MAP2K4: variants seen among roughly 807,000 people sequenced by gnomAD.
The protein encoded by MAP2K4 is dual specificity mitogen-activated protein kinase kinase 4.
Under a neutral mutation model 48.5 loss-of-function variants are expected in MAP2K4, and 4 were observed. That is an observed-to-expected ratio of 0.08 (90% CI 0.04 to 0.19). The LOEUF is 0.19. Ranked by LOEUF, MAP2K4 falls within the 10% of genes least tolerant of loss-of-function variation. The pLI is 1.00. For synonymous variants in MAP2K4, 166 were observed against 173.1 expected, an observed-to-expected ratio of 0.96 and a Z score of 0.32; for missense variants, 258 against 493.3, an observed-to-expected ratio of 0.52 and a Z score of 4.52.
In MAP2K4 at chr17:12,042,751, TAAG is replaced by T. The variant is rs1969830578; in HGVS notation, c.116-12133_116-12131del. Among the ~76,000 whole-genome samples, 5 of 152,264 alleles carry T rather than the reference TAAG, an allele frequency of 3.3e-5. No individual in the cohort carries two copies. In the South Asian group the frequency reaches 8.3e-4, roughly 25 times the overall value. Reference sequence around the variant, plus strand: ...ATGTGGACGTACACACTCTTTGCTTTAAGAAGATGTTCTTGGCCAGGCGCAGTG... The same window carrying T: ...ATGTGGACGTACACACTCTTTGCTTTAAGATGTTCTTGGCCAGGCGCAGTG... On this transcript the variant is annotated intron_variant, in intron 1 of 10. Transcript: ENST00000353533.
At chr17:12,079,464 T>G (rs1431145006) in intron 2 of MAP2K4, among the ~76,000 whole-genome samples, 1 of 152,160 alleles carries the variant, frequency 6.6e-6, no homozygotes, top group East Asian at 1.9e-4. Context: ...CATATTCTCT[T>G]GGTTAGAGGT....
intron 1 of MAP2K4, chr17:12,021,252 T>A (rs1264670143): frequency 1.1e-5 from 3 of 279,506 alleles, no homozygotes; most frequent in Non-Finnish European, 2.0e-5. Flanking sequence ...TACCGGGCTC[T>A]CAGCAGGCCC....
chr17:12,053,021 A>G (rs1017467128), intron 1 of MAP2K4, among the ~76,000 whole-genome samples: 1 of 152,128 alleles, frequency 6.6e-6, no homozygotes, highest in Non-Finnish European at 1.5e-5. Flanking sequence ...AAAAATCCCA[A>G]ATCCCATTAT....
intron 1 of MAP2K4, among the ~76,000 whole-genome samples, chr17:12,026,635 C>A (rs888502988): frequency 1.3e-5 from 2 of 152,208 alleles, no homozygotes; most frequent in African/African-American, 4.8e-5. Flanking sequence ...GCCTTTGCTC[C>A]TCTTACTACT....
chr17:12,071,786 T>C (rs995093969), intron 2 of MAP2K4, among the ~76,000 whole-genome samples: 1 of 152,082 alleles, frequency 6.6e-6, no homozygotes, highest in Non-Finnish European at 1.5e-5. Context: ...TATAGACCAG[T>C]GAACCTGAGA....
chr17:12,032,325 G>C, intron 1 of MAP2K4: 2 of 1,254,646 alleles, frequency 1.6e-6, no homozygotes, highest in Admixed American at 3.0e-5. Flanking sequence ...ATGATATTAT[G>C]CTATTTATTT....
chr17:12,099,282 A>G (rs1971859061), intron 4 of MAP2K4, among the ~76,000 whole-genome samples: 1 of 151,434 alleles, frequency 6.6e-6, no homozygotes, highest in African/African-American at 2.4e-5. Flanking sequence ...TATATGTCAC[A>G]TTTTTAAAAA....
chr17:12,135,571 A>G (rs1277263823), intron 9 of MAP2K4, among the ~76,000 whole-genome samples: 1 of 151,206 alleles, frequency 6.6e-6, no homozygotes. Flanking sequence ...TTTATTTAGG[A>G]CAGAGTCTGG....
At chr17:12,032,655 A>C (rs995095320) in intron 1 of MAP2K4, among the ~76,000 whole-genome samples, 3 of 152,216 alleles carry the variant, frequency 2.0e-5, no homozygotes, top group African/African-American at 7.2e-5. Context: ...ATAGAGTTAT[A>C]TTCAGACATC....
chr17:12,030,089 A>G (rs999100785), intron 1 of MAP2K4, among the ~76,000 whole-genome samples: 3 of 152,014 alleles, frequency 2.0e-5, no homozygotes, highest in Admixed American at 6.6e-5. Context: ...CCCTTTGCCC[A>G]TCCTTACCCT....
chr17:12,130,153 T>C (rs547993971), intron 9 of MAP2K4, among the ~76,000 whole-genome samples: 13 of 152,204 alleles, frequency 8.5e-5, no homozygotes, highest in Non-Finnish European at 1.6e-4. Context: ...TTAGGTCTTA[T>C]AGACTTAAAT....
chr17:12,029,855 C>A (rs1361198811), intron 1 of MAP2K4, among the ~76,000 whole-genome samples: 1 of 151,558 alleles, frequency 6.6e-6, no homozygotes, highest in Non-Finnish European at 1.5e-5. Context: ...GAGTTTGAGG[C>A]TGCAGTGAGC....
intron 3 of MAP2K4, among the ~76,000 whole-genome samples, chr17:12,090,349 C>T (rs553658786): frequency 1.3e-5 from 2 of 152,220 alleles, no homozygotes; most frequent in African/African-American, 4.8e-5. Flanking sequence ...GTGCTGACCT[C>T]TCTAGTAACT....
intron 3 of MAP2K4, among the ~76,000 whole-genome samples, chr17:12,086,976 A>G (rs539439029): frequency 6.6e-6 from 1 of 152,206 alleles, no homozygotes; most frequent in South Asian, 2.1e-4. Flanking sequence ...CCTCCCAAGT[A>G]GCTGGGACTA....
intron 9 of MAP2K4, 84 bp downstream of exon 9, chr17:12,129,371 A>G (rs1972957267): frequency 4.6e-6 from 7 of 1,527,600 alleles, no homozygotes; most frequent in Non-Finnish European, 5.4e-6. Flanking sequence ...GGTACTTTAC[A>G]TGGAGGAAGG....
chr17:12,133,296 G>T (rs922827029), intron 9 of MAP2K4, among the ~76,000 whole-genome samples: 1 of 152,178 alleles, frequency 6.6e-6, no homozygotes, highest in African/African-American at 2.4e-5. Flanking sequence ...TGGCCAGGCT[G>T]GTCTTGAACT....
intron 2 of MAP2K4, among the ~76,000 whole-genome samples, chr17:12,066,772 C>G (rs1326672965): frequency 2.0e-5 from 3 of 152,202 alleles, no homozygotes; most frequent in Non-Finnish European, 1.5e-5. Context: ...TCACTGCAAG[C>G]TCCGCCTTCC....
intron 7 of MAP2K4, among the ~76,000 whole-genome samples, chr17:12,123,207 GAA>G (rs1236278805): frequency 7.2e-5 from 11 of 152,120 alleles, no homozygotes; most frequent in African/African-American, 2.7e-4. Context: ...TCACGTATTT[GAA>G]AAGAGTTCAC....
intron 4 of MAP2K4, among the ~76,000 whole-genome samples, chr17:12,101,134 C>G (rs1971923757): frequency 6.6e-6 from 1 of 152,120 alleles, no homozygotes. Flanking sequence ...TTGTCTAACT[C>G]AAGCTCACTT....
Sources: allele counts gnomAD v4.1 joint callset (sites outside exome capture counted in the v4.1 genomes callset), GRCh38; gene constraint gnomAD v4.1.1; transcripts MANE v1.5; gene names NCBI Gene and HGNC (gene_info 2026-07-23, HGNC 2026-07-21).